Variants in KAT6A observed in about 807,000 individuals in gnomAD.
KAT6A encodes histone acetyltransferase KAT6A.
Under a neutral mutation model 198.4 loss-of-function variants are expected in KAT6A, and 9 were observed. That is an observed-to-expected ratio of 0.05 (90% CI 0.03 to 0.08). The LOEUF (loss-of-function observed/expected upper bound fraction) is 0.08. Among genes scored for constraint, KAT6A ranks in the 10% least tolerant of loss-of-function variants. The probability of loss-of-function intolerance (pLI) is 1.00; values close to 1 mark genes in which losing one functional copy is unlikely to be tolerated. For synonymous variants in KAT6A, 890 were observed against 883.0 expected (o/e 1.01, Z -0.14); for missense variants, 2,077 against 2,509.9 (o/e 0.83, Z 3.69).
At chr8:42,040,743 AAAAAAAAAAAAAAAAAAG>A (rs1359207270) in intron 2 of KAT6A, among the ~76,000 whole-genome samples, 1 of 133,614 alleles carries the variant, frequency 7.5e-6, no homozygotes, top group Non-Finnish European at 1.7e-5. Context: ...CTCAAAAAAA[AAAAAAAAAAAAAAAAAAG>A]AAAGAAAGAA....
intron 10 of KAT6A, among the ~76,000 whole-genome samples, chr8:41,948,742 AGT>A (rs573346064): frequency 7.4e-4 from 112 of 152,316 alleles, no homozygotes; most frequent in African/African-American, 2.6e-3. Context: ...GACCAAGAAA[AGT>A]GAGAGACTGA....
chr8:41,959,678 T>C (rs1021445097), intron 8 of KAT6A, among the ~76,000 whole-genome samples: 1 of 152,130 alleles, frequency 6.6e-6, no homozygotes, highest in African/African-American at 2.4e-5. Context: ...AAGGCAATGG[T>C]TGGGCGCTGG....
chr8:41,942,263 TA>T (rs1822177205), intron 14 of KAT6A: 1 of 223,922 alleles, frequency 4.5e-6, no homozygotes, highest in African/African-American at 2.2e-5. Flanking sequence ...AAGTTTACAA[TA>T]GTTACTTAAT....
At chr8:42,039,006 A>G (rs1344794338) in intron 2 of KAT6A, among the ~76,000 whole-genome samples, 1 of 152,228 alleles carries the variant, frequency 6.6e-6, no homozygotes, top group East Asian at 1.9e-4. Context: ...TTGAATTTAC[A>G]GATACATGTA....
At chr8:41,956,881 C>A (rs1372646072) in intron 8 of KAT6A, among the ~76,000 whole-genome samples, 4 of 152,240 alleles carry the variant, frequency 2.6e-5, no homozygotes, top group Non-Finnish European at 5.9e-5. Context: ...AAACTACATT[C>A]TAGAATCAAC....
chr8:42,004,524 A>G (rs1363777377), intron 2 of KAT6A, among the ~76,000 whole-genome samples: 1 of 152,240 alleles, frequency 6.6e-6, no homozygotes, highest in Non-Finnish European at 1.5e-5. Context: ...CTTGAAAATA[A>G]GAACCCCAAC....
chr8:41,955,166 T>C (rs1212231991), intron 9 of KAT6A, 130 bp downstream of exon 9: 10 of 638,922 alleles, frequency 1.6e-5, no homozygotes, highest in Non-Finnish European at 2.5e-5. Context: ...GCTGCTATTA[T>C]GGACATTTAA....
chr8:41,962,797 T>C (rs891773528), intron 8 of KAT6A, among the ~76,000 whole-genome samples: 8 of 152,172 alleles, frequency 5.3e-5, no homozygotes, highest in African/African-American at 1.9e-4. Flanking sequence ...TTGAGCCTTA[T>C]GTATTTGGCT....
intron 2 of KAT6A, among the ~76,000 whole-genome samples, chr8:41,996,118 A>C (rs939068360): frequency 6.6e-6 from 1 of 152,248 alleles, no homozygotes; most frequent in South Asian, 2.1e-4. Flanking sequence ...AAGAACAGTC[A>C]AGAACCTGTT....
At chr8:42,043,916 T>C (rs967911178) in intron 2 of KAT6A, among the ~76,000 whole-genome samples, 2 of 151,280 alleles carry the variant, frequency 1.3e-5, no homozygotes, top group African/African-American at 4.8e-5. Flanking sequence ...TACTGTTATG[T>C]TATTAATAAC....
In KAT6A at chr8:41,940,881, G is replaced by A. The variant is rs149512873; in HGVS notation, c.3000C>T (p.Ser1000=). ...TGGGCTTTGTGAGAATTGGTGGCGA[G>A]CTTGACCGAGGGCTTTCCGGCTCCT... ...EEEEPESPRS[S]SPPILTKPTL... is the part of the protein sequence containing the mutation. The change falls in exon 15 of 17, where the codon AGC becomes AGT. Residue 1000 remains serine (S), a synonymous_variant. Coordinates refer to ENST00000265713, the MANE Select transcript of KAT6A (RefSeq NM_006766.5). The A allele has an allele frequency of 6.2e-7, 1 of 1,613,462 alleles. No homozygotes were observed. The highest frequency in any genetic ancestry group is 1.3e-5 in the African/African-American group (1 of 74,926).
chr8:42,016,385 T>G (rs982416290), intron 2 of KAT6A, among the ~76,000 whole-genome samples: 1 of 152,236 alleles, frequency 6.6e-6, no homozygotes, highest in Non-Finnish European at 1.5e-5. Context: ...TTTCAATTAG[T>G]TAAACCTTTC....
At chr8:41,947,659 G>A (rs1822463375) in intron 11 of KAT6A, 92 bp downstream of exon 11, 1 of 997,874 alleles carries the variant, frequency 1.0e-6, no homozygotes, top group East Asian at 2.5e-5. Flanking sequence ...CCTAGGAGGT[G>A]CTGCATCTTG....
At chr8:42,029,313 T>C (rs557205492) in intron 2 of KAT6A, among the ~76,000 whole-genome samples, 1 of 152,318 alleles carries the variant, frequency 6.6e-6, no homozygotes, top group African/African-American at 2.4e-5. Flanking sequence ...TCTGTATGTC[T>C]GTATCTTTTG....
At position 41,941,403 on chromosome 8, in the gene KAT6A, A is replaced by G. The variant is rs1822127615; in HGVS notation, c.2478T>C (p.Ser826=). 6.2e-7 allele frequency: 1 copy of G among 1,608,088 alleles called. No individual in the cohort carries two copies. The highest frequency in any genetic ancestry group is 1.1e-5 in the South Asian group (1 of 90,750). Residue 826 remains serine (S), a synonymous_variant, in exon 15 of 17, where the codon TCT becomes TCC. Coordinates refer to ENST00000265713, the MANE Select transcript of KAT6A (RefSeq NM_006766.5). ...GTTTCTTTTCACTTTCTACTGAATA[A>G]GAATCTTGTTCTTTGTTCTCATGAG... is the stretch of plus-strand genomic sequence containing the variant. The part of the protein sequence containing the change: ...SVSHENKEQD[S]YSVESEKKPE...
At chr8:42,045,793 G>A (rs143388721) in intron 2 of KAT6A, among the ~76,000 whole-genome samples, 4,127 of 138,142 alleles carry the variant, frequency 0.03, 80 homozygotes, top group Middle Eastern at 0.054. Flanking sequence ...CCAACATGGT[G>A]AAACCCTGTC....
Position 41,932,386 on chromosome 8 carries a change from T to C in KAT6A, c.5834A>G (p.Gln1945Arg). ...SYHSNPAYMN[Q>R]TAQYPMQMQM... is the part of the protein sequence containing the mutation. ...CATCTGCATAGGATACTGTGCTGTC[T>C]GGTTCATGTAGGCAGGGTTACTATG... The change falls in exon 17 of 17, where the codon CAG (glutamine) becomes CGG (arginine). Residue 1945 changes from glutamine (Q) to arginine (R), a missense_variant. Around this residue, in one of 13 missense-constraint regions of KAT6A, gnomAD observed 500 missense variants for 577.2 expected, o/e 0.87. Coordinates refer to ENST00000265713, the MANE Select transcript of KAT6A (RefSeq NM_006766.5). 2 of 1,614,242 alleles carry C rather than the reference T, an allele frequency of 1.2e-6. No individual in the cohort carries two copies. Among genetic ancestry groups the C allele is most frequent in the Non-Finnish European group, 1.7e-6 (2 of 1,180,052 alleles).
chr8:41,937,664 T>C lies in KAT6A; in HGVS notation c.3040-96A>G, dbSNP rs184438705. 1.8e-4 allele frequency: 176 copies of C among 958,998 alleles called. No individual in the cohort carries two copies. The African/African-American group carries it at 2.6e-3, about 14-fold the overall frequency. The allele number at this position is 958,998 out of a possible 1,614,324, so 59.4% of individuals were successfully genotyped here. ...TTTAAAACCAAATAGAATTAGCACATATAAAATGAGGATGTTGTTTGCCAA... is the reference window on the plus strand; with the variant it reads ...TTTAAAACCAAATAGAATTAGCACACATAAAATGAGGATGTTGTTTGCCAA... On this transcript the variant is annotated intron_variant, in intron 15 of 16. Coordinates refer to ENST00000265713, the MANE Select transcript of KAT6A (RefSeq NM_006766.5).
chr8:42,027,687 G>C (rs747931726), intron 2 of KAT6A, among the ~76,000 whole-genome samples: 2 of 151,198 alleles, frequency 1.3e-5, no homozygotes. Flanking sequence ...CTTTTTTCTT[G>C]GTTTGCCTCG....
Sources: gnomAD v4.1 joint callset for allele counts (sites outside exome capture counted in the v4.1 genomes callset) on GRCh38, gnomAD v4.1.1 for gene constraint, gnomAD v4.1.1 regional missense constraint, MANE v1.5 for transcripts, NCBI Gene and HGNC (gene_info 2026-07-23, HGNC 2026-07-21) for gene names.